GDNF: variants seen among roughly 807,000 people sequenced by gnomAD.
GDNF encodes the protein glial cell derived neurotrophic factor.
In GDNF, 5 loss-of-function variants were observed where a neutral mutation model predicts 13.7. The ratio of observed to expected loss-of-function variants is 0.36; its 90% CI spans 0.19 to 0.77. The LOEUF (loss-of-function observed/expected upper bound fraction) is 0.77, where lower values mean the gene tolerates loss of function less well. Ranked by LOEUF, GDNF falls within the 30% of genes least tolerant of loss-of-function variation. The probability of loss-of-function intolerance (pLI) is 0.51; values close to 1 mark genes in which losing one functional copy is unlikely to be tolerated. For synonymous variants in GDNF, 122 were observed against 112.5 expected (o/e 1.08, Z -0.53); for missense variants, 246 against 274.3 (o/e 0.90, Z 0.73).
At chr5:37,829,612 AT>A (rs1750447246) in intron 2 of GDNF, among the ~76,000 whole-genome samples, 4 of 152,260 alleles carry the variant, frequency 2.6e-5, no homozygotes, top group Admixed American at 1.3e-4. Flanking sequence ...AAAAACAAGT[AT>A]TTTAATCAAA....
chr5:37,836,500 G>A (rs1442382776), intron 1 of GDNF, among the ~76,000 whole-genome samples: 1 of 152,216 alleles, frequency 6.6e-6, no homozygotes, highest in African/African-American at 2.4e-5. Context: ...GTGACCTGCA[G>A]CACCGAGCGC....
intron 2 of GDNF, among the ~76,000 whole-genome samples, chr5:37,817,438 A>G (rs1268750718): frequency 6.6e-6 from 1 of 152,208 alleles, no homozygotes; most frequent in Non-Finnish European, 1.5e-5. Context: ...CAGCAAGAGT[A>G]AATGTTTTTT....
In GDNF at chr5:37,837,252, C is replaced by T. The variant is rs1750739212; in HGVS notation, c.-27+2255G>A. 6.6e-6 allele frequency among the ~76,000 whole-genome samples: 1 copy of T among 152,256 alleles called. No homozygotes were observed. Among genetic ancestry groups the T allele is most frequent in the Non-Finnish European group, 1.5e-5 (1 of 68,040 alleles). ...ACATCTACATCTGCCCGACGCGCTT[C>T]TCCTCAACCATGGGCCTTTGCCCGC... On this transcript the variant is annotated intron_variant, in intron 1 of 2. Transcript: ENST00000326524. This position sits in a 1 kb window ranked among gnomAD's most constrained non-coding sequence, Gnocchi z 6.5.
At chr5:37,822,042 C>T (rs187945845) in intron 2 of GDNF, among the ~76,000 whole-genome samples, 4 of 152,194 alleles carry the variant, frequency 2.6e-5, no homozygotes, top group African/African-American at 9.6e-5. Context: ...TCTAAGCTGA[C>T]TTTCATTCTA....
At chr5:37,824,993 G>T (rs1750258348) in intron 2 of GDNF, among the ~76,000 whole-genome samples, 2 of 152,072 alleles carry the variant, frequency 1.3e-5, no homozygotes, top group Non-Finnish European at 2.9e-5. Context: ...TTCTCTCAAG[G>T]CAGAAGAAAA....
chr5:37,826,151 C>T (rs1750306196), intron 2 of GDNF, among the ~76,000 whole-genome samples: 1 of 152,124 alleles, frequency 6.6e-6, no homozygotes, highest in South Asian at 2.1e-4. Flanking sequence ...AGCTGCTAAC[C>T]CTGTAAGCCT....
chr5:37,820,761 T>C (rs963861409), intron 2 of GDNF, among the ~76,000 whole-genome samples: 12 of 152,130 alleles, frequency 7.9e-5, no homozygotes, highest in African/African-American at 2.7e-4. Context: ...TAAAGTCTAT[T>C]ATTATTATTA....
intron 2 of GDNF, among the ~76,000 whole-genome samples, chr5:37,825,668 T>G (rs1437486933): frequency 1.3e-5 from 2 of 152,136 alleles, no homozygotes; most frequent in East Asian, 3.9e-4. Flanking sequence ...AGTCTCTCCT[T>G]TCTTCTTTCA....
At chr5:37,819,105 G>GT (rs1331766518) in intron 2 of GDNF, among the ~76,000 whole-genome samples, 1 of 152,192 alleles carries the variant, frequency 6.6e-6, no homozygotes, top group African/African-American at 2.4e-5. Context: ...GAGGCCTACG[G>GT]TAACTGCTGG....
At position 37,837,867 on chromosome 5, in the gene GDNF, C is replaced by G. The variant is rs945373087; in HGVS notation, c.-27+1640G>C. Among the ~76,000 whole-genome samples the G allele has an allele frequency of 6.6e-6, 1 of 152,114 alleles. No individual in the cohort carries two copies. Among genetic ancestry groups the G allele is most frequent in the Non-Finnish European group, 1.5e-5 (1 of 68,038 alleles). ...TCGCAGGAGGCAGCGCTCCCGCCGT[C>G]AGTGCCCCCGCACCTTCTTGTGCCT... is the stretch of plus-strand genomic sequence containing the variant. On this transcript the variant is annotated intron_variant, in intron 1 of 2. Coordinates refer to ENST00000326524, the MANE Select transcript of GDNF (RefSeq NM_000514.4). This position sits in a 1 kb window ranked among gnomAD's most constrained non-coding sequence, Gnocchi z 6.5.
Position 37,815,633 on chromosome 5 carries a change from C to T in GDNF, c.*18G>A, listed in dbSNP as rs749887214. 3 of 1,610,542 alleles carry T rather than the reference C, an allele frequency of 1.9e-6. No homozygotes were observed. In the Admixed American group the frequency reaches 5.0e-5, roughly 27 times the overall value. ...ACTGTAGCAGGAATGCAATACACAG[C>T]AGTCTCTGGAGCCGGAGTCAGATAC... On this transcript the variant is annotated 3_prime_UTR_variant, in exon 3 of 3. Coordinates refer to ENST00000326524, the MANE Select transcript of GDNF (RefSeq NM_000514.4). This position sits in a 1 kb window ranked among gnomAD's most constrained non-coding sequence, Gnocchi z 5.0.
rs776533856 is a variant in GDNF at position 37,834,751 on chromosome 5, T to C, written c.46A>G (p.Thr16Ala). The C allele has an allele frequency of 1.1e-5, 18 of 1,612,192 alleles. No individual in the cohort carries two copies. Among genetic ancestry groups the C allele is most frequent in the Non-Finnish European group, 1.7e-6 (2 of 1,179,462 alleles). ...GCGGGCAGCGGGAAGGCGGACGCGG[T>C]GTGGAGCAGCACCAGGCAGACAGCC... is the stretch of plus-strand genomic sequence containing the variant. Reference protein sequence around the residue: ...VVAVCLVLLHTASAFPLPAGK... With the variant: ...VVAVCLVLLHAASAFPLPAGK... The change falls in exon 2 of 3, where the codon ACC (threonine) becomes GCC (alanine). Residue 16 changes from threonine (T) to alanine (A), a missense_variant. Coordinates refer to ENST00000326524, the MANE Select transcript of GDNF (RefSeq NM_000514.4).
chr5:37,836,198 A>AT (rs3841137), intron 1 of GDNF, among the ~76,000 whole-genome samples: 81 of 150,240 alleles, frequency 5.4e-4, no homozygotes, highest in African/African-American at 1.3e-3. Context: ...GAAAAACTCG[A>AT]TTTTTTTTTT....
rs1312937130 is a variant in GDNF at position 37,837,580 on chromosome 5, T to C, written c.-27+1927A>G. Among the ~76,000 whole-genome samples the C allele has an allele frequency of 6.6e-6, 1 of 152,164 alleles. No homozygotes were observed. The highest frequency in any genetic ancestry group is 6.5e-5 in the Admixed American group (1 of 15,274). ...CGGCAGCAGGGGGCACCAGAAACCG[T>C]CTGAGCCGTGTCGCGCCCACGCGGC... On this transcript the variant is annotated intron_variant, in intron 1 of 2. Coordinates refer to ENST00000326524, the MANE Select transcript of GDNF (RefSeq NM_000514.4). This position sits in a 1 kb window ranked among gnomAD's most constrained non-coding sequence, Gnocchi z 6.5.
chr5:37,815,775 C>T lies in GDNF; in HGVS notation c.512G>A (p.Ser171Asn), dbSNP rs1749901020. ...GCAACATGCCTGCCCTACTTTGTCACTCACCAGCCTTCTATTTCTGGATAA... is the reference window on the plus strand; with the variant it reads ...GCAACATGCCTGCCCTACTTTGTCATTCACCAGCCTTCTATTTCTGGATAA... ...KNLSRNRRLVSDKVGQACCRP... is the reference protein window; with the variant it reads ...KNLSRNRRLVNDKVGQACCRP... Residue 171 changes from serine to asparagine, a missense_variant, in exon 3 of 3, where the codon AGT (serine) becomes AAT (asparagine). By Grantham distance (46) the Ser-to-Asn change is conservative (BLOSUM62 1). Coordinates refer to ENST00000326524, the MANE Select transcript of GDNF (RefSeq NM_000514.4). The surrounding 1 kb of genome is among the most constrained non-coding windows in gnomAD (Gnocchi z 5.0). 1 of 1,614,202 alleles carries T rather than the reference C, an allele frequency of 6.2e-7. No individual in the cohort carries two copies. The highest frequency in any genetic ancestry group is 8.5e-7 in the Non-Finnish European group (1 of 1,180,040).
At chr5:37,834,900 C>T in intron 1 of GDNF, 78 bp from the exon 2 acceptor site, 1 of 1,310,948 alleles carries the variant, frequency 7.6e-7, no homozygotes, top group South Asian at 1.3e-5. Flanking sequence ...GTCCCTGCGC[C>T]CCTCTCCAAC....
Position 37,835,450 on chromosome 5 carries a change from A to C in GDNF, c.-26-628T>G. 2.1e-6 allele frequency: 3 copies of C among 1,449,232 alleles called. No homozygotes were observed. In the South Asian group the frequency reaches 4.4e-5, roughly 21 times the overall value. 89.8% of individuals were successfully genotyped at this position (1,449,232 alleles called of 1,614,324 possible). A position where few individuals can be genotyped will look rare whatever the true frequency, so the allele number is the denominator to read the frequency against. On this transcript the variant is annotated intron_variant, in intron 1 of 2. Coordinates refer to ENST00000326524, the MANE Select transcript of GDNF (RefSeq NM_000514.4). ...ACCTAAATAGGTATTCTGTTGCGAG[A>C]GCAAGAAGTTAGCAGGGACTTGGAG... is the stretch of plus-strand genomic sequence containing the variant.
At chr5:37,821,106 TG>T (rs36044022) in intron 2 of GDNF, among the ~76,000 whole-genome samples, 5 of 152,194 alleles carry the variant, frequency 3.3e-5, no homozygotes, top group African/African-American at 1.2e-4. Context: ...GCGAGGCACC[TG>T]GGGGCATTAG....
intron 2 of GDNF, among the ~76,000 whole-genome samples, chr5:37,829,515 A>G (rs976159467): frequency 2.0e-5 from 3 of 152,362 alleles, no homozygotes; most frequent in Admixed American, 6.5e-5. Context: ...CTTTATTTAC[A>G]AATTTAGCCT....
Sources: allele counts gnomAD v4.1 joint callset (sites outside exome capture counted in the v4.1 genomes callset), GRCh38; gene constraint gnomAD v4.1.1; non-coding constraint Gnocchi (gnomAD v3.1); transcripts MANE v1.5; gene names NCBI Gene and HGNC (gene_info 2026-07-23, HGNC 2026-07-21).